The following TASP1 variants were observed in gnomAD, a reference collection of about 807,000 sequenced individuals.
TASP1 encodes the protein taspase 1, also known as threonine aspartase 1.
Under a neutral mutation model 56.6 loss-of-function variants are expected in TASP1, and 16 were observed. The ratio of observed to expected loss-of-function variants is 0.28; its 90% confidence interval spans 0.19 to 0.43. The LOEUF (loss-of-function observed/expected upper bound fraction) is 0.43. Ranked by LOEUF, TASP1 falls within the 20% of genes least tolerant of loss-of-function variation. The pLI is 1.00. For missense variants in TASP1, 393 were observed against 511.6 expected, an observed-to-expected ratio of 0.77 and a Z score of 2.24; for synonymous variants, 179 against 184.2, an observed-to-expected ratio of 0.97 and a Z score of 0.23.
chr20:13,155,619 G>A, the TASP1 span, among the ~76,000 whole-genome samples: 1 of 152,132 alleles, frequency 6.6e-6, no homozygotes, highest in Admixed American at 6.5e-5. Flanking sequence ...GAGGTCAGGA[G>A]ATCGAAACCA....
At chr20:13,223,680 G>A in the TASP1 span, among the ~76,000 whole-genome samples, 1 of 152,196 alleles carries the variant, frequency 6.6e-6, no homozygotes, top group Non-Finnish European at 1.5e-5. Flanking sequence ...TCTCCCGTGG[G>A]TAGATAAGTA....
chr20:13,269,733 A>G, the TASP1 span, among the ~76,000 whole-genome samples: 1 of 152,054 alleles, frequency 6.6e-6, no homozygotes, highest in Non-Finnish European at 1.5e-5. Context: ...GCCACTCTCC[A>G]TCATCTTCTT....
intron 1 of TASP1, among the ~76,000 whole-genome samples, chr20:13,632,699 C>T (rs1035648932): frequency 2.6e-5 from 4 of 152,168 alleles, no homozygotes; most frequent in African/African-American, 9.7e-5. Flanking sequence ...TGACTCTATC[C>T]TCCAACTCCC....
the TASP1 span, chr20:13,222,059 C>A: frequency 1.1e-5 from 9 of 811,310 alleles, no homozygotes; most frequent in Non-Finnish European, 1.3e-5. Context: ...TTTGCCCGGG[C>A]CACTTGACTT....
the TASP1 span, chr20:13,288,833 G>A: frequency 2.7e-6 from 2 of 745,128 alleles, no homozygotes; most frequent in South Asian, 1.9e-5. Flanking sequence ...CGCCCAGGCT[G>A]GAGTGCAGTG....
At chr20:13,242,052 C>T in the TASP1 span, among the ~76,000 whole-genome samples, 1 of 152,074 alleles carries the variant, frequency 6.6e-6, no homozygotes, top group South Asian at 2.1e-4. Flanking sequence ...TTGGAGATCT[C>T]AATGAGTTTT....
chr20:13,426,354 T>C (rs761157683), intron 12 of TASP1, among the ~76,000 whole-genome samples: 20 of 152,298 alleles, frequency 1.3e-4, no homozygotes, highest in Non-Finnish European at 2.8e-4. Context: ...CTGAGTGTAA[T>C]AAGAATTACA....
chr20:13,289,312 C>T, the TASP1 span, among the ~76,000 whole-genome samples: 1 of 152,230 alleles, frequency 6.6e-6, no homozygotes, highest in Non-Finnish European at 1.5e-5. Context: ...ATGAGGAAGC[C>T]AGGATGAGAG....
the TASP1 span, among the ~76,000 whole-genome samples, chr20:13,130,023 G>C: frequency 5.3e-5 from 8 of 152,116 alleles, no homozygotes; most frequent in Admixed American, 4.6e-4. Flanking sequence ...ATATAGGACA[G>C]TTTATTTTCA....
the TASP1 span, among the ~76,000 whole-genome samples, chr20:13,173,002 C>T: frequency 6.6e-6 from 1 of 152,190 alleles, no homozygotes; most frequent in Non-Finnish European, 1.5e-5. Flanking sequence ...CAGGCTATTT[C>T]CAGCCTGTGG....
At chr20:13,549,732 G>C (rs148305552) in intron 8 of TASP1, among the ~76,000 whole-genome samples, 2 of 152,158 alleles carry the variant, frequency 1.3e-5, no homozygotes, top group East Asian at 3.9e-4. Context: ...GTGGTGACTT[G>C]ATATTATACA....
intron 10 of TASP1, among the ~76,000 whole-genome samples, chr20:13,498,560 T>C (rs1286255423): frequency 6.6e-6 from 1 of 152,088 alleles, no homozygotes; most frequent in African/African-American, 2.4e-5. Flanking sequence ...GGTTTCACCA[T>C]GTTGGCCAAG....
chr20:13,240,675 T>G, the TASP1 span, among the ~76,000 whole-genome samples: 18 of 152,284 alleles, frequency 1.2e-4, 1 homozygote, highest in African/African-American at 4.3e-4. Flanking sequence ...CTCCATCTGA[T>G]CAGTGGATAA....
chr20:13,148,820 G>T, the TASP1 span, among the ~76,000 whole-genome samples: 1 of 152,200 alleles, frequency 6.6e-6, no homozygotes, highest in South Asian at 2.1e-4. Flanking sequence ...AAGCTCTCCA[G>T]ATGACTGTGA....
intron 11 of TASP1, among the ~76,000 whole-genome samples, chr20:13,448,871 A>C (rs934879913): frequency 9.9e-5 from 15 of 151,606 alleles, no homozygotes; most frequent in Non-Finnish European, 1.5e-4. Flanking sequence ...AAAAGAACAC[A>C]AAACAAACCA....
the TASP1 span, among the ~76,000 whole-genome samples, chr20:13,202,607 CAA>C: frequency 0.027 from 4,073 of 152,266 alleles, 169 homozygotes; most frequent in African/African-American, 0.092. Flanking sequence ...TTAAATTTAA[CAA>C]AGTCTAATTG....
intron 13 of TASP1, among the ~76,000 whole-genome samples, chr20:13,403,871 G>C (rs903515856): frequency 3.3e-5 from 5 of 152,076 alleles, no homozygotes; most frequent in Admixed American, 1.3e-4. Flanking sequence ...GACAGAGCAA[G>C]AGCCTATCTC....
the TASP1 span, among the ~76,000 whole-genome samples, chr20:13,234,074 G>C: frequency 1.3e-4 from 20 of 152,284 alleles, no homozygotes; most frequent in South Asian, 4.1e-3. Flanking sequence ...CACCTGAGTA[G>C]TGAATATTGT....
chr20:13,560,567 G>T (rs2046311867), intron 7 of TASP1, among the ~76,000 whole-genome samples: 1 of 152,174 alleles, frequency 6.6e-6, no homozygotes, highest in African/African-American at 2.4e-5. Context: ...GCAAATGCAT[G>T]CAGGCAATAT....
Sources: allele counts gnomAD v4.1 joint callset (sites outside exome capture counted in the v4.1 genomes callset), GRCh38; gene constraint gnomAD v4.1.1; transcripts MANE v1.5; gene names NCBI Gene and HGNC (gene_info 2026-07-23, HGNC 2026-07-21).